Variants in AOPEP observed in about 807,000 individuals in gnomAD.
The protein encoded by AOPEP is aminopeptidase O (putative), also known as aminopeptidase O.
In AOPEP, 77 loss-of-function variants were observed where a neutral mutation model predicts 98.1. That is an observed-to-expected ratio of 0.78 (90% CI 0.65 to 0.95). AOPEP has a LOEUF of 0.95. Among genes scored for constraint, AOPEP ranks in the 40% least tolerant of loss-of-function variants. AOPEP has a pLI of 0.00. For synonymous variants in AOPEP, 346 were observed against 365.3 expected (o/e 0.95, Z 0.60); for missense variants, 1,024 against 1,024.7 (o/e 1.00, Z 0.01).
chr9:95,121,380 A>ATGAT, the AOPEP span, among the ~76,000 whole-genome samples: 3 of 152,212 alleles, frequency 2.0e-5, no homozygotes, highest in African/African-American at 7.2e-5. Flanking sequence ...AGTGCTTCTG[A>ATGAT]TGATAGGAGA....
intron 7 of AOPEP, among the ~76,000 whole-genome samples, chr9:94,938,030 C>G (rs1285155197): frequency 6.6e-6 from 1 of 152,168 alleles, no homozygotes. Context: ...CATGCCACCA[C>G]ACCCAGATAA....
the AOPEP span, chr9:95,111,141 G>A: frequency 2.6e-6 from 4 of 1,534,348 alleles, no homozygotes; most frequent in Non-Finnish European, 1.7e-6. Flanking sequence ...CCTCTGCAGG[G>A]CACGCCTTGG....
chr9:95,091,398 T>C (rs1014194322), downstream of AOPEP, among the ~76,000 whole-genome samples: 2 of 152,106 alleles, frequency 1.3e-5, no homozygotes, highest in African/African-American at 4.8e-5. Context: ...GCCTGGCACT[T>C]TGTCAGGGGT....
chr9:94,895,363 G>T (rs1472852538), intron 5 of AOPEP, among the ~76,000 whole-genome samples: 1 of 147,442 alleles, frequency 6.8e-6, no homozygotes, highest in Non-Finnish European at 1.5e-5. Flanking sequence ...TCATGCCACT[G>T]CACTCCAGCC....
chr9:94,932,024 TC>T (rs2055405697), intron 7 of AOPEP: 1 of 1,193,252 alleles, frequency 8.4e-7, no homozygotes, highest in Admixed American at 4.3e-5. Context: ...TCTAACCTCC[TC>T]TAGCTGATAA....
chr9:95,023,317 C>T (rs1403141283), intron 13 of AOPEP, among the ~76,000 whole-genome samples: 1 of 152,218 alleles, frequency 6.6e-6, no homozygotes, highest in South Asian at 2.1e-4. Context: ...ACGTTTGGAA[C>T]ATCAGCGTGG....
intron 1 of AOPEP, among the ~76,000 whole-genome samples, chr9:94,745,634 C>A (rs1255453604): frequency 6.6e-6 from 1 of 152,158 alleles, no homozygotes; most frequent in African/African-American, 2.4e-5. Context: ...TCTTTCTGTG[C>A]CTGTCTTTTT....
chr9:94,753,582 A>G (rs1836319848), intron 1 of AOPEP, among the ~76,000 whole-genome samples: 1 of 152,248 alleles, frequency 6.6e-6, no homozygotes, highest in Non-Finnish European at 1.5e-5. Flanking sequence ...CATGGGCGAT[A>G]GAAAACATAA....
At chr9:95,064,277 C>T (rs2067634574) in intron 14 of AOPEP, among the ~76,000 whole-genome samples, 1 of 152,200 alleles carries the variant, frequency 6.6e-6, no homozygotes, top group Non-Finnish European at 1.5e-5. Flanking sequence ...TGTAATGGGT[C>T]TAGGTCTCCT....
rs199607871 is a variant in AOPEP, at chr9:95,040,090, T to TCTCCTC, written c.2116-20602_2116-20597dup. 3.9e-5 allele frequency among the ~76,000 whole-genome samples: 6 copies of TCTCCTC among 152,280 alleles called. No individual in the cohort carries two copies. The East Asian group carries it at 1.2e-3, about 29-fold the overall frequency. On this transcript the variant is annotated intron_variant, in intron 13 of 16. Coordinates refer to ENST00000375315, the MANE Select transcript of AOPEP (RefSeq NM_001193329.3). ...GAGCAGCAAGAGGTTACAGGTGGCT[T>TCTCCTC]CTCCTCCCTCCCAGGGGACCTCAGT...
In AOPEP at chr9:94,960,966, TGC is replaced by T. The variant is rs1421486837; in HGVS notation, c.1872+4956_1872+4957del. ...GGCGGAGCTTGCAGTGAGCCGAGAT[TGC>T]GCGCCACTGCACTCCGGCCTGGGCG... is the stretch of plus-strand genomic sequence containing the variant. On this transcript the variant is annotated intron_variant, in intron 9 of 16. Coordinates refer to ENST00000375315, the MANE Select transcript of AOPEP (RefSeq NM_001193329.3). 7.0e-4 allele frequency among the ~76,000 whole-genome samples: 104 copies of T among 148,422 alleles called. 1 individual carries two copies. The highest frequency in any genetic ancestry group is 7.0e-3 in the Middle Eastern group (2 of 286).
chr9:95,062,969 C>T (rs989932591), intron 14 of AOPEP, among the ~76,000 whole-genome samples: 2 of 152,236 alleles, frequency 1.3e-5, no homozygotes, highest in Non-Finnish European at 2.9e-5. Flanking sequence ...CAGGCTACCT[C>T]CTGCCTTGCC....
At chr9:94,880,547 G>A (rs1006979467) in intron 5 of AOPEP, among the ~76,000 whole-genome samples, 17 of 151,478 alleles carry the variant, frequency 1.1e-4, no homozygotes, top group Admixed American at 1.1e-3. Flanking sequence ...GTAGAGAAGG[G>A]GTTTTGCCAT....
At chr9:95,088,163 A>G (rs2070811167), downstream of AOPEP, among the ~76,000 whole-genome samples, 1 of 151,432 alleles carries the variant, frequency 6.6e-6, no homozygotes, top group Admixed American at 6.6e-5. Flanking sequence ...TCCTGTGGAG[A>G]TTTAGAATGA....
chr9:95,071,075 G>A (rs1451584862), intron 14 of AOPEP, among the ~76,000 whole-genome samples: 1 of 152,196 alleles, frequency 6.6e-6, no homozygotes, highest in Non-Finnish European at 1.5e-5. Flanking sequence ...TGCAACAGTG[G>A]CAGGCAGGGA....
chr9:95,039,739 C>CATTA (rs1161566163), intron 13 of AOPEP, among the ~76,000 whole-genome samples: 1 of 143,744 alleles, frequency 7.0e-6, no homozygotes, highest in Non-Finnish European at 1.6e-5. Context: ...CATGTTTCTT[C>CATTA]ATTCATTCAT....
rs117223245 is a variant in AOPEP at position 95,057,291 on chromosome 9, A to C, written c.2116-3403A>C. ...CTTAAATTCAGCTGATCTTAAAATA[A>C]ATAAATAAACGCAGCTGGCCTAGAA... On this transcript the variant is annotated intron_variant, in intron 13 of 16. Transcript: ENST00000375315. 4.5e-3 allele frequency among the ~76,000 whole-genome samples: 691 copies of C among 152,368 alleles called. 7 individuals are homozygous for C. Among genetic ancestry groups the C allele is most frequent in the Non-Finnish European group, 7.8e-3 (530 of 68,034 alleles).
chr9:95,117,350 G>A, the AOPEP span: 1 of 1,614,066 alleles, frequency 6.2e-7, no homozygotes, highest in Non-Finnish European at 8.5e-7. Flanking sequence ...GGCAAGAGAT[G>A]GAGAAGTGTA....
chr9:94,877,511 C>T (rs1355488021), intron 5 of AOPEP, among the ~76,000 whole-genome samples: 1 of 150,856 alleles, frequency 6.6e-6, no homozygotes, highest in Non-Finnish European at 1.5e-5. Context: ...CAACCTCTGC[C>T]TCTGGGCTCA....
Sources: allele counts gnomAD v4.1 joint callset (sites outside exome capture counted in the v4.1 genomes callset), GRCh38; gene constraint gnomAD v4.1.1; transcripts MANE v1.5; gene names NCBI Gene and HGNC (gene_info 2026-07-23, HGNC 2026-07-21).